RAB5A: variants seen among roughly 807,000 people sequenced by gnomAD.
The protein encoded by RAB5A is ras-related protein Rab-5A.
A neutral mutation model predicts 25.7 loss-of-function variants in RAB5A; 8 were observed. That is an observed-to-expected ratio of 0.31 (90% CI 0.18 to 0.56). RAB5A has a LOEUF of 0.56. Among genes scored for constraint, RAB5A ranks in the 20% least tolerant of loss-of-function variants. The pLI, the probability that RAB5A is intolerant of heterozygous loss-of-function variation, is 0.91. For synonymous variants in RAB5A, 98 were observed against 89.8 expected, an observed-to-expected ratio of 1.09 and a Z score of -0.52; for missense variants, 192 against 259.7, an observed-to-expected ratio of 0.74 and a Z score of 1.79.
At chr3:19,966,193 C>T (rs1042647691) in intron 2 of RAB5A, among the ~76,000 whole-genome samples, 1 of 152,200 alleles carries the variant, frequency 6.6e-6, no homozygotes, top group African/African-American at 2.4e-5. Flanking sequence ...TAAACAATAA[C>T]TACCCCTTCT....
chr3:19,954,074 G>A (rs1440011128), intron 2 of RAB5A, among the ~76,000 whole-genome samples: 1 of 152,150 alleles, frequency 6.6e-6, no homozygotes, highest in Non-Finnish European at 1.5e-5. Flanking sequence ...GAGTGCAGTG[G>A]TGTGATCTAG....
In RAB5A at chr3:19,971,213, A is replaced by ACAAC. The variant is rs532249684; in HGVS notation, c.164-4388_164-4387insCAAC. On this transcript the variant is annotated intron_variant, in intron 2 of 5. Transcript: ENST00000273047. ...ACTCCATCTCAAAAAAAAAAAAAAA[A>ACAAC]AACACTATAGTAGTATTTTAAAACT... Among the ~76,000 whole-genome samples the ACAAC allele has an allele frequency of 2.1e-5, 3 of 146,250 alleles. 1 individual carries two copies. The highest frequency in any genetic ancestry group is 4.5e-5 in the Non-Finnish European group (3 of 66,778).
intron 2 of RAB5A, among the ~76,000 whole-genome samples, chr3:19,972,592 CCT>C (rs983423812): frequency 2.0e-5 from 3 of 151,890 alleles, no homozygotes; most frequent in African/African-American, 7.3e-5. Flanking sequence ...GGAATGATGC[CCT>C]GTTTTGCCAT....
At chr3:19,955,649 T>C (rs1696489346) in intron 2 of RAB5A, among the ~76,000 whole-genome samples, 1 of 152,124 alleles carries the variant, frequency 6.6e-6, no homozygotes, top group African/African-American at 2.4e-5. Context: ...ATCCCAACAC[T>C]TTGGGAGGCT....
intron 2 of RAB5A, among the ~76,000 whole-genome samples, chr3:19,952,786 T>G (rs1253265844): frequency 6.6e-6 from 1 of 152,072 alleles, no homozygotes; most frequent in African/African-American, 2.4e-5. Context: ...CACGTGTGAT[T>G]TTGTTGTTGT....
At position 19,950,964 on chromosome 3, in the gene RAB5A, A is replaced by G. The variant is rs149313297; in HGVS notation, c.66A>G (p.Lys22=). 83 of 1,614,010 alleles carry G rather than the reference A, an allele frequency of 5.1e-5. No individual in the cohort carries two copies. The highest frequency in any genetic ancestry group is 6.7e-5 in the Non-Finnish European group (79 of 1,179,998). The change falls in exon 2 of 6, where the codon AAA becomes AAG. Residue 22 remains lysine, a synonymous_variant. Coordinates refer to ENST00000273047, the MANE Select transcript of RAB5A (RefSeq NM_004162.5). The stretch of plus-strand genomic sequence containing the variant: ...CGGGAAATAAAATATGCCAGTTCAA[A>G]CTAGTACTTCTGGGAGAGTCCGCTG... ...PNTGNKICQF[K]LVLLGESAVG... is the part of the protein sequence containing the mutation.
chr3:19,980,195 A>G (rs540810241), intron 5 of RAB5A: 5 of 152,328 alleles, frequency 3.3e-5, no homozygotes, highest in East Asian at 1.9e-4. Context: ...AGAGGAAACA[A>G]TGAGTTAATA....
At chr3:19,975,008 C>G (rs928677051) in intron 2 of RAB5A, among the ~76,000 whole-genome samples, 2 of 152,130 alleles carry the variant, frequency 1.3e-5, no homozygotes, top group African/African-American at 4.8e-5. Flanking sequence ...GGCGGATCAC[C>G]TGAGATCAGG....
At chr3:19,962,314 A>T (rs924728145) in intron 2 of RAB5A, among the ~76,000 whole-genome samples, 1 of 152,198 alleles carries the variant, frequency 6.6e-6, no homozygotes, top group Non-Finnish European at 1.5e-5. Context: ...TCACACCTGT[A>T]ATCCCAGCAC....
At chr3:19,975,474 CAT>C in intron 2 of RAB5A, 125 bp from the exon 3 acceptor site, 4 of 828,678 alleles carry the variant, frequency 4.8e-6, no homozygotes, top group Non-Finnish European at 7.1e-6. Context: ...TTAACTGACA[CAT>C]AATAGTTGTA....
At chr3:19,974,854 C>T in intron 2 of RAB5A, among the ~76,000 whole-genome samples, 1 of 152,134 alleles carries the variant, frequency 6.6e-6, no homozygotes, top group Non-Finnish European at 1.5e-5. Flanking sequence ...ATAGATGGTA[C>T]TTTTAGGCAC....
chr3:19,960,717 T>C (rs1482335725), intron 2 of RAB5A, among the ~76,000 whole-genome samples: 1 of 152,220 alleles, frequency 6.6e-6, no homozygotes, highest in Non-Finnish European at 1.5e-5. Context: ...TGTTGGACTT[T>C]GAAAATAAGA....
intron 5 of RAB5A, chr3:19,978,702 C>T: frequency 5.0e-6 from 1 of 200,282 alleles, no homozygotes; most frequent in Admixed American, 5.9e-5. Flanking sequence ...ATAGTTCAGA[C>T]AGACAGATTT....
At chr3:19,966,613 T>C (rs1575072393) in intron 2 of RAB5A, among the ~76,000 whole-genome samples, 2 of 152,340 alleles carry the variant, frequency 1.3e-5, no homozygotes, top group East Asian at 3.9e-4. Flanking sequence ...GAAATCTCTA[T>C]ACAGTTTTCC....
chr3:19,975,431 T>A, intron 2 of RAB5A, 170 bp from the exon 3 acceptor site: 1 of 567,254 alleles, frequency 1.8e-6, no homozygotes, highest in Non-Finnish European at 2.9e-6. Context: ...TTTCTAGGTG[T>A]TTTCTTTTTT....
At chr3:19,969,031 G>GTTTTTTTTTTT (rs1162365486) in intron 2 of RAB5A, among the ~76,000 whole-genome samples, 1 of 99,702 alleles carries the variant, frequency 1.0e-5, no homozygotes, top group Non-Finnish European at 1.9e-5. Flanking sequence ...TTTGGTTTTG[G>GTTTTTTTTTTT]TTTTTTTTTT....
At chr3:19,977,750 A>G (rs1433591625) in intron 4 of RAB5A, among the ~76,000 whole-genome samples, 3 of 152,224 alleles carry the variant, frequency 2.0e-5, no homozygotes, top group African/African-American at 4.8e-5. Context: ...CACAACAGCT[A>G]TGAGGATCAA....
chr3:19,951,390 CAT>C (rs1359509689), intron 2 of RAB5A, among the ~76,000 whole-genome samples: 2 of 152,136 alleles, frequency 1.3e-5, no homozygotes, highest in Non-Finnish European at 2.9e-5. Context: ...TAATACAGTA[CAT>C]GTTTGTGCTC....
rs775680725 is a variant in RAB5A, at chr3:19,976,156, C to G, written c.425C>G (p.Ala142Gly). 1 of 1,606,838 alleles carries G rather than the reference C, an allele frequency of 6.2e-7. No homozygotes were observed. Among genetic ancestry groups the G allele is most frequent in the Non-Finnish European group, 8.5e-7 (1 of 1,177,648 alleles). ...GNKADLANKR[A>G]VDFQEAQSYA... ...AAGGCCGACCTAGCAAATAAAAGAGCAGTAGATTTCCAGGTATGTTAAATT... is the reference window on the plus strand; with the variant it reads ...AAGGCCGACCTAGCAAATAAAAGAGGAGTAGATTTCCAGGTATGTTAAATT... The change falls in exon 4 of 6, where the codon GCA becomes GGA. Residue 142 changes from alanine (A) to glycine (G), a missense_variant. This residue lies in a region of RAB5A where 121 missense variants were observed against 135.7 expected (regional missense o/e 0.89). Coordinates refer to ENST00000273047, the MANE Select transcript of RAB5A (RefSeq NM_004162.5).
Sources: allele counts gnomAD v4.1 joint callset (sites outside exome capture counted in the v4.1 genomes callset), GRCh38; gene constraint gnomAD v4.1.1; regional missense constraint gnomAD v4.1.1; transcripts MANE v1.5; gene names NCBI Gene and HGNC (gene_info 2026-07-23, HGNC 2026-07-21).